COL21A1: variants seen among roughly 807,000 people sequenced by gnomAD.
The protein encoded by COL21A1 is collagen alpha-1(XXI) chain.
In COL21A1, 149 loss-of-function variants were observed where a neutral mutation model predicts 137.9. The ratio of observed to expected loss-of-function variants is 1.08; its 90% CI spans 0.95 to 1.24. The LOEUF (loss-of-function observed/expected upper bound fraction) is 1.24, where lower values mean the gene tolerates loss of function less well. Among genes scored for constraint, COL21A1 ranks in the 50% most tolerant of loss-of-function variants. COL21A1 has a pLI of 0.00. For missense variants in COL21A1, 1,167 were observed against 1,158.4 expected (o/e 1.01, Z -0.11); for synonymous variants, 456 against 391.5 (o/e 1.16, Z -1.95).
At chr6:56,064,509 C>A (rs992315170) in intron 24 of COL21A1, 69 bp downstream of exon 24, 2 of 1,050,240 alleles carry the variant, frequency 1.9e-6, no homozygotes, top group African/African-American at 1.6e-5. Flanking sequence ...TGCAAGTAAT[C>A]CTCTCTCAGC....
At chr6:56,138,329 T>A (rs1026214764) in intron 12 of COL21A1, among the ~76,000 whole-genome samples, 1 of 149,458 alleles carries the variant, frequency 6.7e-6, no homozygotes, top group African/African-American at 2.4e-5. Context: ...CATATATATT[T>A]TATATATACA....
intron 10 of COL21A1, among the ~76,000 whole-genome samples, chr6:56,155,334 GTT>G (rs199729446): frequency 6.6e-6 from 1 of 151,754 alleles, no homozygotes; most frequent in African/African-American, 2.4e-5. Flanking sequence ...GCTAGTTGTG[GTT>G]TTTTTTGTTT....
intron 1 of COL21A1, among the ~76,000 whole-genome samples, chr6:56,391,149 G>T (rs920219357): frequency 5.9e-5 from 9 of 152,056 alleles, no homozygotes; most frequent in Admixed American, 3.9e-4. Flanking sequence ...AATAAAACTA[G>T]AAATCAGTAA....
intron 9 of COL21A1, among the ~76,000 whole-genome samples, chr6:56,161,066 G>A (rs566412571): frequency 6.6e-6 from 1 of 152,208 alleles, no homozygotes; most frequent in South Asian, 2.1e-4. Flanking sequence ...ACATAAAAAT[G>A]TAAATGCCCT....
At chr6:56,286,998 T>C (rs1763929132) in intron 1 of COL21A1, among the ~76,000 whole-genome samples, 1 of 152,238 alleles carries the variant, frequency 6.6e-6, no homozygotes, top group East Asian at 1.9e-4. Flanking sequence ...ATCTTTCATT[T>C]ATCATATTAA....
At chr6:56,219,076 GCAA>G (rs1404359224) in intron 1 of COL21A1, among the ~76,000 whole-genome samples, 3 of 151,970 alleles carry the variant, frequency 2.0e-5, no homozygotes, top group South Asian at 4.2e-4. Flanking sequence ...CCTATTCTAT[GCAA>G]CAACAATGAA....
intron 17 of COL21A1, among the ~76,000 whole-genome samples, chr6:56,092,476 A>G (rs1768934828): frequency 6.6e-6 from 1 of 152,200 alleles, no homozygotes; most frequent in African/African-American, 2.4e-5. Context: ...GCTAAAAGTT[A>G]CTAAATACAA....
At chr6:56,324,680 A>C (rs1176624432) in intron 1 of COL21A1, among the ~76,000 whole-genome samples, 2 of 152,070 alleles carry the variant, frequency 1.3e-5, no homozygotes, top group Non-Finnish European at 2.9e-5. Context: ...ACCCCCAAGT[A>C]TATTACATTA....
intron 12 of COL21A1, among the ~76,000 whole-genome samples, chr6:56,129,392 C>G (rs1773312322): frequency 6.6e-6 from 1 of 152,054 alleles, no homozygotes; most frequent in Admixed American, 6.6e-5. Context: ...CAGCAACACT[C>G]AGAGAGACTA....
At position 56,298,267 on chromosome 6, in the gene COL21A1, A is replaced by G. The variant is rs558958876; in HGVS notation, c.-39+95704T>C. The stretch of plus-strand genomic sequence containing the variant: ...TGTGAGCCAACAGGTTTGCAGAACA[A>G]AAAACAATTTTAGATATATTTAACT... On this transcript the variant is annotated intron_variant, in intron 1 of 28. Transcript: ENST00000370819. 5.9e-5 allele frequency among the ~76,000 whole-genome samples: 9 copies of G among 152,218 alleles called. No homozygotes were observed. In the East Asian group the frequency reaches 1.5e-3, roughly 26 times the overall value.
intron 1 of COL21A1, among the ~76,000 whole-genome samples, chr6:56,185,347 A>G (rs925501736): frequency 6.6e-6 from 1 of 151,702 alleles, no homozygotes; most frequent in African/African-American, 2.4e-5. Context: ...ATAATTGCCT[A>G]AGTCAGTATT....
intron 1 of COL21A1, among the ~76,000 whole-genome samples, chr6:56,269,092 CAT>C (rs1223425298): frequency 6.6e-6 from 1 of 152,108 alleles, no homozygotes; most frequent in Non-Finnish European, 1.5e-5. Flanking sequence ...ATAAACAAAA[CAT>C]CTGAGAAATA....
intron 1 of COL21A1, among the ~76,000 whole-genome samples, chr6:56,213,377 C>T (rs1290520067): frequency 6.6e-6 from 1 of 152,026 alleles, no homozygotes; most frequent in Admixed American, 6.6e-5. Context: ...AATAATACCT[C>T]CTAGCTCACT....
chr6:56,143,417 G>T (rs1016557740), intron 10 of COL21A1, among the ~76,000 whole-genome samples: 1 of 151,878 alleles, frequency 6.6e-6, no homozygotes, highest in South Asian at 2.1e-4. Context: ...AGCCAGGATG[G>T]TCTCAATATC....
chr6:56,250,439 G>GGTAA (rs1400387640), upstream of COL21A1, among the ~76,000 whole-genome samples: 1 of 152,196 alleles, frequency 6.6e-6, no homozygotes, highest in East Asian at 1.9e-4. Context: ...GAGGTCACAT[G>GGTAA]GTAAGGAACA....
rs1480569080 is a variant in COL21A1 at position 56,060,266 on chromosome 6, G to T, written c.2408-48C>A. On this transcript the variant is annotated intron_variant, in intron 27 of 29. Transcript: ENST00000244728. The stretch of plus-strand genomic sequence containing the variant: ...ATCCCTTATGTTTAAATGGTGAGTT[G>T]GTGTTAATTATATTTTTAATTTTTT... 5 of 1,404,652 alleles carry T rather than the reference G, an allele frequency of 3.6e-6. No homozygotes were observed. The African/African-American group carries it at 5.9e-5, about 17-fold the overall frequency. 87.0% of individuals were successfully genotyped at this position (1,404,652 alleles called of 1,614,324 possible).
intron 16 of COL21A1, among the ~76,000 whole-genome samples, chr6:56,106,052 C>G (rs1389446991): frequency 6.6e-6 from 1 of 152,168 alleles, no homozygotes; most frequent in East Asian, 1.9e-4. Context: ...AATAATCATA[C>G]AGATTATAAC....
intron 1 of COL21A1, among the ~76,000 whole-genome samples, chr6:56,359,221 T>C (rs965042270): frequency 1.3e-5 from 2 of 152,222 alleles, no homozygotes; most frequent in Non-Finnish European, 2.9e-5. Flanking sequence ...TATATACTTA[T>C]CCAGTAACCT....
chr6:56,071,069 G>A (rs1766706032), intron 20 of COL21A1, among the ~76,000 whole-genome samples: 1 of 151,380 alleles, frequency 6.6e-6, no homozygotes, highest in Admixed American at 6.6e-5. Context: ...AATCTTTAGT[G>A]GCCAGCACTA....
Sources: allele counts gnomAD v4.1 joint callset (sites outside exome capture counted in the v4.1 genomes callset), GRCh38; gene constraint gnomAD v4.1.1; transcripts MANE v1.5; gene names NCBI Gene and HGNC (gene_info 2026-07-23, HGNC 2026-07-21).